SESN3: variants seen among roughly 807,000 people sequenced by gnomAD.
SESN3 encodes the protein sestrin 3.
A neutral mutation model predicts 55.3 loss-of-function variants in SESN3; 21 were observed. That is an observed-to-expected ratio of 0.38 (90% CI 0.27 to 0.55). The LOEUF is 0.55. Among genes scored for constraint, SESN3 ranks in the 20% least tolerant of loss-of-function variants. The probability of loss-of-function intolerance (pLI) is 0.76; values close to 1 mark genes in which losing one functional copy is unlikely to be tolerated. For synonymous variants in SESN3, 181 were observed against 203.1 expected, an observed-to-expected ratio of 0.89 and a Z score of 0.93; for missense variants, 408 against 604.3, an observed-to-expected ratio of 0.68 and a Z score of 3.41.
chr11:95,174,300 C>G (rs1188097878), intron 9 of SESN3, among the ~76,000 whole-genome samples: 1 of 152,186 alleles, frequency 6.6e-6, no homozygotes, highest in Non-Finnish European at 1.5e-5. Context: ...GTTAAAAGTC[C>G]TAGGACTTAA....
At chr11:95,219,833 G>A (rs1009860789) in intron 1 of SESN3, among the ~76,000 whole-genome samples, 3 of 151,974 alleles carry the variant, frequency 2.0e-5, no homozygotes, top group African/African-American at 7.3e-5. Flanking sequence ...TAGTGAAGCG[G>A]TTACTTGAAT....
At chr11:95,177,938 A>G in intron 7 of SESN3, 29 bp from the exon 8 acceptor site, 1 of 1,431,848 alleles carries the variant, frequency 7.0e-7, no homozygotes, top group Non-Finnish European at 9.5e-7. Context: ...TTTAATTACA[A>G]AGTGGGCATT....
At chr11:95,185,153 G>A in intron 5 of SESN3, 103 bp downstream of exon 5, 1 of 644,738 alleles carries the variant, frequency 1.6e-6, no homozygotes, top group Non-Finnish European at 2.7e-6. Flanking sequence ...AATATTTTAA[G>A]TATATAATAT....
intron 1 of SESN3, among the ~76,000 whole-genome samples, chr11:95,207,508 G>C (rs1342377727): frequency 6.6e-6 from 1 of 151,452 alleles, no homozygotes; most frequent in Admixed American, 6.6e-5. Flanking sequence ...AACATTCTAT[G>C]GTTATACAGA....
At chr11:95,192,086 CTT>C (rs1484888082) in intron 2 of SESN3, among the ~76,000 whole-genome samples, 1 of 151,982 alleles carries the variant, frequency 6.6e-6, no homozygotes, top group Non-Finnish European at 1.5e-5. Context: ...TTTCTGAAGT[CTT>C]TTCAGGAACA....
At chr11:95,181,078 AAACTC>A (rs1272406246) in intron 6 of SESN3, among the ~76,000 whole-genome samples, 5 of 152,236 alleles carry the variant, frequency 3.3e-5, no homozygotes, top group Middle Eastern at 6.8e-3. Flanking sequence ...AGTAATAACT[AAACTC>A]TATAAAACAG....
chr11:95,215,451 G>C (rs1187211100), intron 1 of SESN3, among the ~76,000 whole-genome samples: 1 of 152,138 alleles, frequency 6.6e-6, no homozygotes, highest in Non-Finnish European at 1.5e-5. Flanking sequence ...GCTACGGTCT[G>C]GGGGAGGGGA....
At chr11:95,216,198 C>A (rs1043843360) in intron 1 of SESN3, among the ~76,000 whole-genome samples, 1 of 151,660 alleles carries the variant, frequency 6.6e-6, no homozygotes, top group Admixed American at 6.6e-5. Context: ...GTGCTCTACA[C>A]CTTCTGTCAA....
chr11:95,198,148 T>C (rs1860396512), intron 1 of SESN3, among the ~76,000 whole-genome samples: 1 of 152,128 alleles, frequency 6.6e-6, no homozygotes, highest in African/African-American at 2.4e-5. Flanking sequence ...AGTCATCCTT[T>C]CCACACCCCC....
chr11:95,206,842 C>T (rs1217691843), intron 1 of SESN3, among the ~76,000 whole-genome samples: 1 of 151,952 alleles, frequency 6.6e-6, no homozygotes, highest in Non-Finnish European at 1.5e-5. Flanking sequence ...GTTGCCCAGG[C>T]TGAAGTACAG....
chr11:95,209,828 C>A (rs1439381692), intron 1 of SESN3, among the ~76,000 whole-genome samples: 1 of 150,492 alleles, frequency 6.6e-6, no homozygotes, highest in South Asian at 2.2e-4. Context: ...ACCAGCCTGG[C>A]TAACATGGCG....
At chr11:95,218,264 A>C (rs1860796028) in intron 1 of SESN3, among the ~76,000 whole-genome samples, 2 of 152,250 alleles carry the variant, frequency 1.3e-5, no homozygotes, top group Non-Finnish European at 2.9e-5. Context: ...CCCTTTACAG[A>C]AAGTTTACCA....
At chr11:95,204,488 C>A (rs538749543) in intron 1 of SESN3, among the ~76,000 whole-genome samples, 19 of 152,036 alleles carry the variant, frequency 1.2e-4, no homozygotes, top group African/African-American at 2.9e-4. Context: ...CTGTCCCCCC[C>A]CTCAAAATTC....
chr11:95,207,276 T>G (rs2134251014), intron 1 of SESN3, among the ~76,000 whole-genome samples: 1 of 151,078 alleles, frequency 6.6e-6, no homozygotes, highest in South Asian at 2.1e-4. Context: ...CCTAAAGGGG[T>G]TTACAAACTA....
chr11:95,185,228 G>A, intron 5 of SESN3, 28 bp downstream of exon 5: 1 of 1,372,566 alleles, frequency 7.3e-7, no homozygotes, highest in Non-Finnish European at 1.0e-6. Context: ...AGCAAAAATA[G>A]TAAAGAAAAA....
At position 95,230,590 on chromosome 11, in the gene SESN3, C is replaced by G; in HGVS notation, c.78+193G>C. ...AACCCCTCCAGACTTGGGTCTGTCC[C>G]GGCGGAAATAAAAAGCCGCAGTAGT... On this transcript the variant is annotated intron_variant, in intron 1 of 9. Transcript: ENST00000536441. This position sits in a 1 kb window ranked among gnomAD's most constrained non-coding sequence, Gnocchi z 4.6. 1.8e-6 allele frequency: 1 copy of G among 550,378 alleles called. No homozygotes were observed. Among genetic ancestry groups the G allele is most frequent in the Non-Finnish European group, 3.2e-6 (1 of 314,718 alleles). The allele number at this position is 550,378 out of a possible 1,614,324, so 34.1% of individuals were successfully genotyped here. A position where few individuals can be genotyped will look rare whatever the true frequency, so the allele number is the denominator to read the frequency against.
intron 1 of SESN3, among the ~76,000 whole-genome samples, chr11:95,212,919 CTG>C (rs763436936): frequency 3.3e-5 from 5 of 152,168 alleles, no homozygotes; most frequent in Non-Finnish European, 7.4e-5. Flanking sequence ...AATCTGCTCT[CTG>C]TACTATCCAT....
intron 1 of SESN3, among the ~76,000 whole-genome samples, chr11:95,211,645 C>CT: frequency 6.6e-6 from 1 of 152,182 alleles, no homozygotes; most frequent in East Asian, 1.9e-4. Context: ...TGGCGCACGC[C>CT]TGTAGTCCCA....
intron 1 of SESN3, among the ~76,000 whole-genome samples, chr11:95,206,272 C>A (rs1860544175): frequency 6.6e-6 from 1 of 151,182 alleles, no homozygotes; most frequent in Admixed American, 6.6e-5. Context: ...TATTACTCAG[C>A]CTATTATACA....
Sources: allele counts gnomAD v4.1 joint callset (sites outside exome capture counted in the v4.1 genomes callset), GRCh38; gene constraint gnomAD v4.1.1; non-coding constraint Gnocchi (gnomAD v3.1); transcripts MANE v1.5; gene names NCBI Gene and HGNC (gene_info 2026-07-23, HGNC 2026-07-21).